The following CUX1 variants were observed in gnomAD, a reference collection of about 807,000 sequenced individuals.
CUX1 encodes protein CASP.
Under a neutral mutation model 158.8 loss-of-function variants are expected in CUX1, and 31 were observed. That is an observed-to-expected ratio of 0.20 (90% CI 0.15 to 0.26). The LOEUF is 0.26. CUX1 is among the 10% of genes least tolerant of loss of function. The pLI, the probability that CUX1 is intolerant of heterozygous loss-of-function variation, is 1.00. For synonymous variants in CUX1, 879 were observed against 862.1 expected, an observed-to-expected ratio of 1.02 and a Z score of -0.34; for missense variants, 1,589 against 2,014.6, an observed-to-expected ratio of 0.79 and a Z score of 4.04.
Position 101,936,357 on chromosome 7 carries a change from G to A in CUX1, c.141+20132G>A, listed in dbSNP as rs998405700. Reference sequence around the variant, plus strand: ...TTTTCAGGTGTGACGGGGGTGGGGAGAAAGAGAGCATTCCAAGAGAGGCAC... The same window carrying A: ...TTTTCAGGTGTGACGGGGGTGGGGAAAAAGAGAGCATTCCAAGAGAGGCAC... On this transcript the variant is annotated intron_variant, in intron 2 of 23. Transcript: ENST00000292535. 3.2e-4 allele frequency among the ~76,000 whole-genome samples: 49 copies of A among 152,150 alleles called. 1 individual carries two copies. Among genetic ancestry groups the A allele is most frequent in the Non-Finnish European group, 8.8e-5 (6 of 68,018 alleles).
Position 101,970,248 on chromosome 7 carries a change from C to T in CUX1, c.141+54023C>T, listed in dbSNP as rs1470544438. On this transcript the variant is annotated intron_variant, in intron 2 of 23. Transcript: ENST00000292535. The stretch of plus-strand genomic sequence containing the variant: ...GAGTGATGGGTGGCCAGGAAGCCTG[C>T]GGTAGGAAATTCACAACAGACCTTT... Among the ~76,000 whole-genome samples, 8 of 152,194 alleles carry T rather than the reference C, an allele frequency of 5.3e-5. No homozygotes were observed. In the East Asian group the frequency reaches 7.7e-4, roughly 15 times the overall value.
intron 20 of CUX1, among the ~76,000 whole-genome samples, chr7:102,212,518 T>C (rs1282891819): frequency 1.3e-5 from 2 of 152,192 alleles, no homozygotes; most frequent in Non-Finnish European, 2.9e-5. Context: ...TATTTGACTT[T>C]TTTGTTTTTA....
chr7:102,257,968 T>C lies in CUX1; in HGVS notation c.*8926T>C. 3 of 982,662 alleles carry C rather than the reference T, an allele frequency of 3.1e-6. No individual in the cohort carries two copies. The highest frequency in any genetic ancestry group is 9.4e-5 in the South Asian group (2 of 21,166). 60.9% of individuals were successfully genotyped at this position (982,662 alleles called of 1,614,324 possible). The stretch of plus-strand genomic sequence containing the variant: ...GTGTTGCTGTGTGACATCTCTCTGG[T>C]AACATTTTATTTCTTGCTATTTGTT... On this transcript the variant is annotated 3_prime_UTR_variant, in exon 24 of 24. Transcript: ENST00000292535.
At chr7:102,152,407 GTTTGTTTGTT>G (rs1407490777) in intron 8 of CUX1, among the ~76,000 whole-genome samples, 7 of 149,448 alleles carry the variant, frequency 4.7e-5, no homozygotes, top group African/African-American at 1.8e-4. Context: ...ACAGATTTTT[GTTTGTTTGTT>G]TTTGTTTGTT....
Position 102,256,165 on chromosome 7 carries a change from G to C in CUX1, c.*7123G>C. The C allele has an allele frequency of 2.0e-6, 2 of 985,480 alleles. No individual in the cohort carries two copies. Among genetic ancestry groups the C allele is most frequent in the Non-Finnish European group, 2.4e-6 (2 of 829,964 alleles). The allele number at this position is 985,480 out of a possible 1,614,324, so 61.0% of individuals were successfully genotyped here. ...CTGGCCTGACGAGGCAGGATAGGGA[G>C]TATCCGTGATTCAGAAGCTGAGACC... is the stretch of plus-strand genomic sequence containing the variant. On this transcript the variant is annotated 3_prime_UTR_variant, in exon 24 of 24. Coordinates refer to ENST00000292535, the MANE Select transcript of CUX1 (RefSeq NM_181552.4).
intron 14 of CUX1, among the ~76,000 whole-genome samples, chr7:102,265,752 C>G (rs1310213372): frequency 6.6e-6 from 1 of 152,068 alleles, no homozygotes; most frequent in African/African-American, 2.4e-5. Flanking sequence ...AAAAGGCTCT[C>G]TCTGGCTGCT....
intron 3 of CUX1, among the ~76,000 whole-genome samples, chr7:102,041,666 A>ATTTTTTTT (rs1246831975): frequency 1.9e-5 from 2 of 104,924 alleles, no homozygotes; most frequent in African/African-American, 3.8e-5. Flanking sequence ...CTCCCTTTTG[A>ATTTTTTTT]TTTTTTTTTT....
intron 3 of CUX1, among the ~76,000 whole-genome samples, chr7:102,061,712 A>G (rs1293088688): frequency 6.6e-6 from 1 of 152,134 alleles, no homozygotes; most frequent in Non-Finnish European, 1.5e-5. Context: ...GGTGCAGTGG[A>G]GAGATGAGCC....
At chr7:102,066,562 G>A (rs1356782537) in intron 3 of CUX1, among the ~76,000 whole-genome samples, 1 of 152,144 alleles carries the variant, frequency 6.6e-6, no homozygotes, top group East Asian at 1.9e-4. Flanking sequence ...TCCAGGAGAC[G>A]CAGCCACCCG....
chr7:102,248,282 G>A lies in CUX1; in HGVS notation c.3888-130G>A, dbSNP rs1801039281. 3.7e-6 allele frequency: 3 copies of A among 816,250 alleles called. No homozygotes were observed. In the East Asian group the frequency reaches 9.8e-5, roughly 27 times the overall value. 50.6% of individuals were successfully genotyped at this position (816,250 alleles called of 1,614,324 possible). On this transcript the variant is annotated intron_variant, in intron 23 of 23. Transcript: ENST00000292535. This position sits in a 1 kb window ranked among gnomAD's most constrained non-coding sequence, Gnocchi z 5.8. ...CTGCCCCGTGGCCCGAGGGTCGCTG[G>A]AGGGGCACGGAGGGGCCTCCAGGCT...
chr7:101,864,967 A>G (rs919174129), intron 1 of CUX1, among the ~76,000 whole-genome samples: 2 of 152,250 alleles, frequency 1.3e-5, no homozygotes, highest in African/African-American at 4.8e-5. Flanking sequence ...AAAAAAGGGA[A>G]ATACTATCTC....
At chr7:101,862,616 TA>T (rs1057102735) in intron 1 of CUX1, among the ~76,000 whole-genome samples, 7 of 152,084 alleles carry the variant, frequency 4.6e-5, no homozygotes, top group African/African-American at 1.7e-4. Flanking sequence ...CTCCTGCCTA[TA>T]AAAAGGTGGG....
At chr7:102,167,123 C>T (rs1334086302) in intron 9 of CUX1, among the ~76,000 whole-genome samples, 1 of 151,954 alleles carries the variant, frequency 6.6e-6, no homozygotes, top group Non-Finnish European at 1.5e-5. Flanking sequence ...CAAAAATTAG[C>T]TGGGCGTGAT....
rs190407385 is a variant in CUX1 at position 102,221,514 on chromosome 7, G to A, written c.3131-5853G>A. On this transcript the variant is annotated intron_variant, in intron 20 of 23. Coordinates refer to ENST00000292535, the MANE Select transcript of CUX1 (RefSeq NM_181552.4). ...TCAACAGTAGATCGGAAGAACTGCA[G>A]AGAGATGTATCTCCGAGAATTACGG... Among the ~76,000 whole-genome samples, 7 of 152,302 alleles carry A rather than the reference G, an allele frequency of 4.6e-5. No individual in the cohort carries two copies. In the East Asian group the frequency reaches 1.4e-3, roughly 29 times the overall value.
intron 8 of CUX1, among the ~76,000 whole-genome samples, chr7:102,133,624 T>C (rs1833569546): frequency 6.6e-6 from 1 of 151,904 alleles, no homozygotes; most frequent in South Asian, 2.1e-4. Context: ...CACAGGCATG[T>C]GCCACCACAC....
chr7:101,853,332 G>C (rs1017036961), intron 1 of CUX1, among the ~76,000 whole-genome samples: 1 of 152,178 alleles, frequency 6.6e-6, no homozygotes, highest in Non-Finnish European at 1.5e-5. Flanking sequence ...CAATAGACTT[G>C]CAGGATTTGC....
chr7:102,275,358 C>T, exon 17 of CUX1: 2 of 1,610,158 alleles, frequency 1.2e-6, no homozygotes, highest in Non-Finnish European at 1.7e-6. Flanking sequence ...GAGCTTGAGG[C>T]CGTGAGTCAC....
At chr7:102,030,695 T>TTTTTTTTTTGTTTTTTGTTTTTTG (rs1333579783) in intron 3 of CUX1, among the ~76,000 whole-genome samples, 13 of 144,142 alleles carry the variant, frequency 9.0e-5, no homozygotes, top group African/African-American at 3.3e-4. Flanking sequence ...AAAAGTGTTT[T>TTTTTTTTTTGTTTTTTGTTTTTTG]TTTTTTTTGA....
chr7:101,953,522 A>AG (rs1252577691), intron 2 of CUX1, among the ~76,000 whole-genome samples: 1 of 152,214 alleles, frequency 6.6e-6, no homozygotes, highest in Admixed American at 6.5e-5. Context: ...ATCAGGGGAG[A>AG]GGAGCCACTT....
Sources: allele counts gnomAD v4.1 joint callset (sites outside exome capture counted in the v4.1 genomes callset), GRCh38; gene constraint gnomAD v4.1.1; non-coding constraint Gnocchi (gnomAD v3.1); transcripts MANE v1.5; gene names NCBI Gene and HGNC (gene_info 2026-07-23, HGNC 2026-07-21).